The following TRPM6 variants were observed in gnomAD, a reference collection of about 807,000 sequenced individuals.
TRPM6 encodes the protein transient receptor potential cation channel subfamily M member 6, also known as channel kinase 2.
TRPM6 carries 111 observed loss-of-function variants against 247.6 expected under a neutral mutation model. The ratio of observed to expected loss-of-function variants is 0.45; its 90% CI spans 0.38 to 0.52. TRPM6 has a LOEUF of 0.52. TRPM6 is among the 20% of genes least tolerant of loss of function. The pLI, the probability that TRPM6 is intolerant of heterozygous loss-of-function variation, is 0.00. For synonymous variants in TRPM6, 892 were observed against 853.8 expected (o/e 1.04, Z -0.78); for missense variants, 2,126 against 2,421.5 (o/e 0.88, Z 2.56).
rs370161521 is a variant in TRPM6, at chr9:74,852,456, T to C, written c.152+3071A>G. On this transcript the variant is annotated intron_variant, in intron 3 of 38. Transcript: ENST00000360774. ...TCCCTCTCCCGCTCCCCCTCCTCCC[T>C]CTCCCTCTCCCTCTCCCTCTCCCTC... Among the ~76,000 whole-genome samples, 14 of 68,000 alleles carry C rather than the reference T, an allele frequency of 2.1e-4. No individual in the cohort carries two copies. The East Asian group carries it at 2.7e-3, about 13-fold the overall frequency. 44.6% of individuals were successfully genotyped at this position (68,000 alleles called of 152,430 possible). A position where few individuals can be genotyped will look rare whatever the true frequency, so the allele number is the denominator to read the frequency against.
intron 13 of TRPM6, among the ~76,000 whole-genome samples, chr9:74,810,278 A>C (rs1828684133): frequency 6.6e-6 from 1 of 152,222 alleles, no homozygotes; most frequent in Non-Finnish European, 1.5e-5. Flanking sequence ...AAATACTTTA[A>C]GTTTGACCTA....
chr9:74,858,122 C>T (rs1290384921), intron 2 of TRPM6, among the ~76,000 whole-genome samples: 3 of 152,186 alleles, frequency 2.0e-5, no homozygotes, highest in Non-Finnish European at 4.4e-5. Context: ...CGCTCGGTGG[C>T]TCACGCCTGT....
Position 74,868,451 on chromosome 9 carries a change from T to C in TRPM6, c.34-9703A>G, listed in dbSNP as rs1172124042. Among the ~76,000 whole-genome samples, 3 of 151,632 alleles carry C rather than the reference T, an allele frequency of 2.0e-5. No homozygotes were observed. The East Asian group carries it at 5.9e-4, about 30-fold the overall frequency. On this transcript the variant is annotated intron_variant, in intron 1 of 38. Transcript: ENST00000360774. The stretch of plus-strand genomic sequence containing the variant: ...TGGAGGTTGCAGTGAGCTGAGATCA[T>C]GCCACTGCACTCCAGCCTGGTCGAC...
chr9:74,882,679 G>A (rs528833255), intron 1 of TRPM6, among the ~76,000 whole-genome samples: 1 of 152,284 alleles, frequency 6.6e-6, no homozygotes, highest in African/African-American at 2.4e-5. Flanking sequence ...ATTTAGTACA[G>A]CCGTTATGGA....
intron 37 of TRPM6, among the ~76,000 whole-genome samples, chr9:74,732,348 CTG>C (rs1462358608): frequency 1.3e-5 from 2 of 152,210 alleles, no homozygotes; most frequent in South Asian, 2.1e-4. Context: ...AAAAAGGAAA[CTG>C]TGCTTCTCCT....
At chr9:74,833,137 T>G (rs2118116580) in intron 6 of TRPM6, among the ~76,000 whole-genome samples, 1 of 152,302 alleles carries the variant, frequency 6.6e-6, no homozygotes, top group East Asian at 1.9e-4. Flanking sequence ...ATAGGTAAGC[T>G]GAAAAAAAGC....
chr9:74,745,968 C>T (rs1428565622), intron 31 of TRPM6, among the ~76,000 whole-genome samples: 8 of 152,166 alleles, frequency 5.3e-5, no homozygotes, highest in Non-Finnish European at 7.3e-5. Context: ...TATGGCCAGG[C>T]GCGGGGGCCC....
At chr9:74,858,243 C>A (rs547745016) in intron 2 of TRPM6, among the ~76,000 whole-genome samples, 3 of 152,084 alleles carry the variant, frequency 2.0e-5, no homozygotes, top group African/African-American at 7.2e-5. Context: ...TAAAATTAGC[C>A]GGACGTGGTG....
chr9:74,754,642 T>A (rs542825886), intron 28 of TRPM6, among the ~76,000 whole-genome samples: 2 of 152,368 alleles, frequency 1.3e-5, no homozygotes, highest in South Asian at 4.1e-4. Context: ...AATGTCTACC[T>A]GTACCTTAAA....
chr9:74,761,575 A>T, intron 27 of TRPM6, 121 bp downstream of exon 27: 1 of 731,042 alleles, frequency 1.4e-6, no homozygotes, highest in Non-Finnish European at 2.5e-6. Context: ...TTATATCTTC[A>T]ATCCTTTCAA....
chr9:74,833,192 T>A (rs983702595), intron 6 of TRPM6, among the ~76,000 whole-genome samples: 1 of 152,220 alleles, frequency 6.6e-6, no homozygotes, highest in African/African-American at 2.4e-5. Flanking sequence ...AATACACACT[T>A]TTTTTGCTGT....
At chr9:74,887,085 G>GA (rs1831554295) in intron 1 of TRPM6, 1 of 452,000 alleles carries the variant, frequency 2.2e-6, no homozygotes, top group African/African-American at 2.0e-5. Flanking sequence ...CAACAGCCAG[G>GA]AGCACCCTCC....
At chr9:74,822,412 G>GT (rs1829160895) in intron 7 of TRPM6, among the ~76,000 whole-genome samples, 2 of 113,764 alleles carry the variant, frequency 1.8e-5, no homozygotes, top group Non-Finnish European at 4.1e-5. Flanking sequence ...ACCACACCTA[G>GT]CTTTTTTTTT....
chr9:74,753,360 T>G (rs549303020), intron 28 of TRPM6, among the ~76,000 whole-genome samples: 11 of 152,140 alleles, frequency 7.2e-5, no homozygotes, highest in African/African-American at 2.4e-4. Flanking sequence ...CTAATGATTT[T>G]GTGCTGGAAA....
At chr9:74,796,336 T>C (rs1828097994) in intron 18 of TRPM6, among the ~76,000 whole-genome samples, 1 of 152,224 alleles carries the variant, frequency 6.6e-6, no homozygotes, top group Admixed American at 6.5e-5. Flanking sequence ...GCATCTGCCT[T>C]AATTAATTCA....
chr9:74,750,792 T>C, intron 29 of TRPM6, 70 bp from the exon 30 acceptor site: 1 of 1,338,764 alleles, frequency 7.5e-7, no homozygotes, highest in South Asian at 1.2e-5. Context: ...AGGAATGATC[T>C]GCCAAACACG....
intron 1 of TRPM6, among the ~76,000 whole-genome samples, chr9:74,871,495 A>T (rs754920668): frequency 6.6e-6 from 1 of 152,148 alleles, no homozygotes; most frequent in African/African-American, 2.4e-5. Context: ...GCTGACCAGT[A>T]TTCCCTAATA....
chr9:74,782,524 T>G (rs201534482), intron 22 of TRPM6, 48 bp from the exon 23 acceptor site: 3 of 1,472,590 alleles, frequency 2.0e-6, no homozygotes, highest in African/African-American at 1.4e-5. Flanking sequence ...TGAATCACAG[T>G]CCTGCCACTC....
chr9:74,869,331 A>G (rs11144127), intron 1 of TRPM6, among the ~76,000 whole-genome samples: 51,505 of 151,516 alleles, frequency 0.34, 9,303 homozygotes, highest in East Asian at 0.51. Flanking sequence ...TTAGCCAGGC[A>G]TGGTGGCACG....
Sources: gnomAD v4.1 joint callset for allele counts (sites outside exome capture counted in the v4.1 genomes callset) on GRCh38, gnomAD v4.1.1 for gene constraint, MANE v1.5 for transcripts, NCBI Gene and HGNC (gene_info 2026-07-23, HGNC 2026-07-21) for gene names.